The following PPIE variants were observed in gnomAD, a reference collection of about 807,000 sequenced individuals.
PPIE encodes peptidylprolyl isomerase E.
Under a neutral mutation model 38.4 loss-of-function variants are expected in PPIE, and 20 were observed. The observed-to-expected ratio is 0.52, with a 90% CI of 0.37 to 0.76. PPIE has a LOEUF of 0.76. Among genes scored for constraint, PPIE ranks in the 30% least tolerant of loss-of-function variants. PPIE has a pLI of 0.00. For synonymous variants in PPIE, 142 were observed against 135.7 expected, an observed-to-expected ratio of 1.05 and a Z score of -0.32; for missense variants, 322 against 385.8, an observed-to-expected ratio of 0.83 and a Z score of 1.39.
downstream of PPIE, chr1:39,760,209 G>T: frequency 1.2e-6 from 1 of 825,826 alleles, no homozygotes; most frequent in Non-Finnish European, 1.8e-6. Flanking sequence ...GAGACCACCT[G>T]GGCTGGAAAC....
At chr1:39,750,657 TC>T (rs1434676694) in intron 8 of PPIE, among the ~76,000 whole-genome samples, 2 of 152,210 alleles carry the variant, frequency 1.3e-5, no homozygotes, top group African/African-American at 4.8e-5. Flanking sequence ...TCTCCTTGAC[TC>T]CTTCTTCACT....
chr1:39,742,709 A>G (rs1001656459), intron 4 of PPIE: 4 of 152,340 alleles, frequency 2.6e-5, no homozygotes, highest in African/African-American at 7.2e-5. Context: ...TAGTTTCATC[A>G]CAGTAATTTC....
intron 9 of PPIE, 99 bp from the exon 10 acceptor site, chr1:39,753,188 T>G (rs1647928213): frequency 5.0e-5 from 80 of 1,588,852 alleles, no homozygotes; most frequent in Non-Finnish European, 6.7e-5. Context: ...GCTGCCCAGG[T>G]TCCGGGGTGG....
In PPIE at chr1:39,750,491, C is replaced by A. The variant is rs150552864; in HGVS notation, c.694+1403C>A. On this transcript the variant is annotated intron_variant, in intron 8 of 9. Coordinates refer to ENST00000324379, the MANE Select transcript of PPIE (RefSeq NM_006112.4). ...TTTTGGAATATTTGCATTATACTTA[C>A]CAGTTGAGCATCCCAAATCTGAATA... Among the ~76,000 whole-genome samples the A allele has an allele frequency of 1.9e-3, 282 of 152,320 alleles. 4 individuals are homozygous for A. Among genetic ancestry groups the A allele is most frequent in the Admixed American group, 0.015 (230 of 15,304 alleles).
At chr1:39,762,084 C>G (rs1649074705) in intron 9 of PPIE, among the ~76,000 whole-genome samples, 1 of 152,222 alleles carries the variant, frequency 6.6e-6, no homozygotes, top group Non-Finnish European at 1.5e-5. Flanking sequence ...CCTCATCATC[C>G]CTGGGCCTTT....
intron 3 of PPIE, 128 bp downstream of exon 3, chr1:39,741,537 A>G: frequency 1.0e-6 from 1 of 976,482 alleles, no homozygotes; most frequent in East Asian, 2.4e-5. Context: ...ATCAGAAGTA[A>G]GTGCTGTTCT....
At chr1:39,757,000 CCT>C (rs1317793011), downstream of PPIE, among the ~76,000 whole-genome samples, 1 of 152,320 alleles carries the variant, frequency 6.6e-6, no homozygotes, top group East Asian at 1.9e-4. Context: ...TGGGTACAGA[CCT>C]CTCTCAGCAG....
rs773747841 is a variant in PPIE at position 39,756,365 on chromosome 1, C to T, written c.*3010C>T. On this transcript the variant is annotated 3_prime_UTR_variant, in exon 10 of 10. Transcript: ENST00000324379. ...CTTCCTTTTGCTGATTCATTTCCCCCCTAACTCATTCAGAGTTGAGCCCCA... is the reference window on the plus strand; with the variant it reads ...CTTCCTTTTGCTGATTCATTTCCCCTCTAACTCATTCAGAGTTGAGCCCCA... The T allele has an allele frequency of 2.0e-6, 2 of 985,448 alleles. No individual in the cohort carries two copies. The highest frequency in any genetic ancestry group is 2.4e-6 in the Non-Finnish European group (2 of 829,932). The allele number at this position is 985,448 out of a possible 1,614,324, so 61.0% of individuals were successfully genotyped here. A position where few individuals can be genotyped will look rare whatever the true frequency, so the allele number is the denominator to read the frequency against.
Position 39,748,896 on chromosome 1 carries a change from A to G in PPIE, c.509-7A>G, listed in dbSNP as rs74751471. ...AACCCCAGCGCTTTTTCCTTTCTCA[A>G]TTCCAGAGAATTTCCGCTGCCTGTG... On this transcript the variant is annotated splice_region_variant and splice_polypyrimidine_tract_variant and intron_variant, in intron 7 of 9. Transcript: ENST00000324379. 5 of 1,611,122 alleles carry G rather than the reference A, an allele frequency of 3.1e-6. No individual in the cohort carries two copies. The highest frequency in any genetic ancestry group is 4.2e-6 in the Non-Finnish European group (5 of 1,179,282).
downstream of PPIE, chr1:39,757,745 G>T (rs1648441940): frequency 6.6e-6 from 1 of 152,250 alleles, no homozygotes; most frequent in Admixed American, 6.5e-5. Context: ...TGTGCTGCCA[G>T]CCTGGGCCAC....
Position 39,748,921 on chromosome 1 carries a change from G to A in PPIE, c.527G>A (p.Cys176Tyr). ...PMTAENFRCL[C>Y]THEKGFGFKG... ...ATTCCAGAGAATTTCCGCTGCCTGTGCACTCATGAAAAGGGCTTTGGCTTT... is the reference window on the plus strand; with the variant it reads ...ATTCCAGAGAATTTCCGCTGCCTGTACACTCATGAAAAGGGCTTTGGCTTT... The change falls in exon 8 of 10, where the codon TGC (cysteine) becomes TAC (tyrosine). Residue 176 changes from cysteine (C) to tyrosine (Y), a missense_variant. Cys to Tyr is a radical substitution (Grantham distance 194). Transcript: ENST00000324379. The A allele has an allele frequency of 6.2e-7, 1 of 1,613,996 alleles. No homozygotes were observed. The highest frequency in any genetic ancestry group is 8.5e-7 in the Non-Finnish European group (1 of 1,179,972).
chr1:39,755,350 C>T lies in PPIE; in HGVS notation c.*1995C>T, dbSNP rs929437009. 5.1e-6 allele frequency: 5 copies of T among 985,338 alleles called. No homozygotes were observed. The African/African-American group carries it at 8.7e-5, about 17-fold the overall frequency. 61.0% of individuals were successfully genotyped at this position (985,338 alleles called of 1,614,324 possible). A position where few individuals can be genotyped will look rare whatever the true frequency, so the allele number is the denominator to read the frequency against. ...CTTGCTGAGGGATGGTGGCATTCTG[C>T]CCTACCTCTGGCTCCCATGTGCCGA... On this transcript the variant is annotated 3_prime_UTR_variant, in exon 10 of 10. Coordinates refer to ENST00000324379, the MANE Select transcript of PPIE (RefSeq NM_006112.4).
chr1:39,742,975 G>A (rs937307942), intron 4 of PPIE: 2 of 355,096 alleles, frequency 5.6e-6, no homozygotes, highest in Non-Finnish European at 1.0e-5. Context: ...TTGTAATTTT[G>A]GAGTGTTCTG....
intron 9 of PPIE, chr1:39,763,223 T>C (rs1474219327): frequency 1.3e-6 from 2 of 1,591,776 alleles, no homozygotes; most frequent in African/African-American, 2.7e-5. Flanking sequence ...AGGGAGAAGG[T>C]GAGTCCCATC....
At position 39,741,936 on chromosome 1, in the gene PPIE, C is replaced by A. The variant is rs1647068436; in HGVS notation, c.201+15C>A. ...TCGACAACATGGTATGGCTGGGAAT[C>A]TTAATTCTAACTAAAGTTGCTTTTT... On this transcript the variant is annotated intron_variant, in intron 4 of 9. Coordinates refer to ENST00000324379, the MANE Select transcript of PPIE (RefSeq NM_006112.4). 1.2e-6 allele frequency: 2 copies of A among 1,614,006 alleles called. No individual in the cohort carries two copies. The highest frequency in any genetic ancestry group is 3.3e-5 in the Admixed American group (2 of 60,004).
intron 6 of PPIE, 112 bp downstream of exon 6, chr1:39,744,036 G>T: frequency 1.6e-6 from 1 of 643,648 alleles, no homozygotes; most frequent in Non-Finnish European, 2.6e-6. Context: ...TGGAGGGAAT[G>T]AATAATGAAT....
chr1:39,741,781 C>A, intron 3 of PPIE, 114 bp from the exon 4 acceptor site: 1 of 1,185,212 alleles, frequency 8.4e-7, no homozygotes, highest in Non-Finnish European at 1.2e-6. Context: ...AAAACCTAGG[C>A]AAGAAATACA....
At chr1:39,743,394 C>T (rs1287311407) in intron 5 of PPIE, 97 bp downstream of exon 5, 7 of 1,062,312 alleles carry the variant, frequency 6.6e-6, no homozygotes, top group East Asian at 2.5e-5. Flanking sequence ...ATGCTAAATG[C>T]TGCTTCCTGG....
chr1:39,760,589 G>A (rs2124409901), downstream of PPIE: 1 of 1,611,298 alleles, frequency 6.2e-7, no homozygotes, highest in Non-Finnish European at 8.5e-7. Flanking sequence ...AGAGGGCACA[G>A]GCAGGGGCAT....
Sources: gnomAD v4.1 joint callset for allele counts (sites outside exome capture counted in the v4.1 genomes callset) on GRCh38, gnomAD v4.1.1 for gene constraint, MANE v1.5 for transcripts, NCBI Gene and HGNC (gene_info 2026-07-23, HGNC 2026-07-21) for gene names.